FYCO1: variants seen among roughly 807,000 people sequenced by gnomAD.
The protein encoded by FYCO1 is FYVE and coiled-coil domain autophagy adaptor 1.
FYCO1 carries 122 observed loss-of-function variants against 165.1 expected under a neutral mutation model. That is an observed-to-expected ratio of 0.74 (90% CI 0.64 to 0.86). FYCO1 has a LOEUF of 0.86. Among genes scored for constraint, FYCO1 ranks in the 40% least tolerant of loss-of-function variants. The pLI, the probability that FYCO1 is intolerant of heterozygous loss-of-function variation, is 0.00. For synonymous variants in FYCO1, 648 were observed against 742.5 expected (o/e 0.87, Z 2.07); for missense variants, 1,702 against 1,810.3 (o/e 0.94, Z 1.09).
chr3:45,938,626 T>C (rs1434352688), intron 14 of FYCO1, among the ~76,000 whole-genome samples: 1 of 152,192 alleles, frequency 6.6e-6, no homozygotes, highest in African/African-American at 2.4e-5. Flanking sequence ...CCCGAATAGC[T>C]GGGATTACAG....
At chr3:45,946,939 T>C in intron 14 of FYCO1, 1 of 1,614,242 alleles carries the variant, frequency 6.2e-7, no homozygotes, top group Non-Finnish European at 8.5e-7. Context: ...GTCACCAGCT[T>C]GCTCATCTGG....
intron 1 of FYCO1, among the ~76,000 whole-genome samples, chr3:45,987,589 T>C (rs1707370399): frequency 6.6e-6 from 1 of 150,696 alleles, no homozygotes; most frequent in African/African-American, 2.4e-5. Context: ...ACTGCATTCC[T>C]CTTATTTGGC....
chr3:45,944,133 A>G (rs1297148948), intron 14 of FYCO1, among the ~76,000 whole-genome samples: 1 of 152,106 alleles, frequency 6.6e-6, no homozygotes, highest in Non-Finnish European at 1.5e-5. Context: ...TACATGGCAG[A>G]AGGATTCAAG....
chr3:45,967,086 C>G lies in FYCO1; in HGVS notation c.2248G>C (p.Glu750Gln), dbSNP rs1213158770. The G allele has an allele frequency of 6.2e-7, 1 of 1,613,962 alleles. No homozygotes were observed. The highest frequency in any genetic ancestry group is 8.5e-7 in the Non-Finnish European group (1 of 1,180,038). The change falls in exon 8 of 18, where the codon GAG (glutamate) becomes CAG (glutamine). Residue 750 changes from glutamate (E) to glutamine (Q), a missense_variant. By Grantham distance (29) the Glu-to-Gln change is conservative. Coordinates refer to ENST00000296137, the MANE Select transcript of FYCO1 (RefSeq NM_024513.4). ...GGGCCAACTCCCTGTTGGCCTTTCTCTGCTGTGAGGACCTCAATCAGCTGG... is the reference window on the plus strand; with the variant it reads ...GGGCCAACTCCCTGTTGGCCTTTCTGTGCTGTGAGGACCTCAATCAGCTGG... The part of the protein sequence containing the change: ...QTQLIEVLTA[E>Q]KGQQGVGPPT...
intron 1 of FYCO1, among the ~76,000 whole-genome samples, chr3:45,985,575 G>C (rs1168702687): frequency 2.6e-5 from 4 of 152,184 alleles, no homozygotes; most frequent in Non-Finnish European, 2.9e-5. Flanking sequence ...TGCCTGGCAG[G>C]GTCCCCTTCG....
chr3:45,992,339 TG>T (rs1707599177), intron 1 of FYCO1, among the ~76,000 whole-genome samples: 1 of 152,070 alleles, frequency 6.6e-6, no homozygotes, highest in South Asian at 2.1e-4. Context: ...GGTGGGGCCA[TG>T]CTGCAGATGG....
intron 16 of FYCO1, 31 bp from the exon 17 acceptor site, chr3:45,923,796 C>T: frequency 6.8e-7 from 1 of 1,460,324 alleles, no homozygotes; most frequent in Non-Finnish European, 9.6e-7. Flanking sequence ...GCAAAAACAT[C>T]ACAGAGGCTG....
chr3:45,969,842 C>A, intron 6 of FYCO1, 77 bp from the exon 7 acceptor site: 3 of 1,233,980 alleles, frequency 2.4e-6, no homozygotes, highest in South Asian at 2.6e-5. Context: ...GGTCACTAGG[C>A]AACCAGGTGG....
intron 1 of FYCO1, among the ~76,000 whole-genome samples, chr3:45,992,302 T>G (rs1317878737): frequency 2.6e-5 from 4 of 152,060 alleles, no homozygotes; most frequent in Non-Finnish European, 5.9e-5. Context: ...ACAACAGCAG[T>G]GCCAGCGTAG....
Position 45,966,645 on chromosome 3 carries a change from G to T in FYCO1, c.2689C>A (p.Gln897Lys). Reference protein sequence around the residue: ...AQLEHAELQEQLHRANTDTAE... With the variant: ...AQLEHAELQEKLHRANTDTAE... ...GTGTCTGTGTTGGCCCGGTGCAGCTGCTCTTGCAGCTCAGCGTGCTCCAGC... is the reference window on the plus strand; with the variant it reads ...GTGTCTGTGTTGGCCCGGTGCAGCTTCTCTTGCAGCTCAGCGTGCTCCAGC... The change falls in exon 8 of 18, where the codon CAG (glutamine) becomes AAG (lysine). Residue 897 changes from glutamine (Q) to lysine (K), a missense_variant. Coordinates refer to ENST00000296137, the MANE Select transcript of FYCO1 (RefSeq NM_024513.4). 6.2e-7 allele frequency: 1 copy of T among 1,614,144 alleles called. No homozygotes were observed. The highest frequency in any genetic ancestry group is 8.5e-7 in the Non-Finnish European group (1 of 1,180,046).
At chr3:45,992,308 C>T (rs999157052) in intron 1 of FYCO1, among the ~76,000 whole-genome samples, 9 of 152,228 alleles carry the variant, frequency 5.9e-5, no homozygotes, top group East Asian at 3.9e-4. Context: ...GCAGTGCCAG[C>T]GTAGGTGCAG....
chr3:45,941,677 T>C (rs1704235356), intron 14 of FYCO1, among the ~76,000 whole-genome samples: 1 of 152,128 alleles, frequency 6.6e-6, no homozygotes, highest in Non-Finnish European at 1.5e-5. Context: ...CAAATACACA[T>C]ATCCCCATAT....
rs1702969047 is a variant in FYCO1, at chr3:45,918,028, G to A, written c.*3737C>T. 6.6e-6 allele frequency: 1 copy of A among 152,644 alleles called. No individual in the cohort carries two copies. Among genetic ancestry groups the A allele is most frequent in the African/African-American group, 2.4e-5 (1 of 41,452 alleles). The allele number at this position is 152,644 out of a possible 1,614,324, so 9.5% of individuals were successfully genotyped here. On this transcript the variant is annotated 3_prime_UTR_variant, in exon 18 of 18. Coordinates refer to ENST00000296137, the MANE Select transcript of FYCO1 (RefSeq NM_024513.4). ...AAAGTTTTCCACCCCCATTGAGCAGGTGGGGTGCTGGTATTTGATGTGCTT... is the reference window on the plus strand; with the variant it reads ...AAAGTTTTCCACCCCCATTGAGCAGATGGGGTGCTGGTATTTGATGTGCTT...
intron 8 of FYCO1, among the ~76,000 whole-genome samples, chr3:45,965,667 G>A (rs916871825): frequency 2.6e-5 from 4 of 152,238 alleles, no homozygotes; most frequent in African/African-American, 9.6e-5. Flanking sequence ...TCCCTTCCCT[G>A]TATCTGCTGT....
chr3:45,955,014 T>G lies in FYCO1; in HGVS notation c.3944+235A>C, dbSNP rs1298551928. ...TCGCTCAAGCCAAGAAAGACAGGCCTTAATAGTGATGCTGAAACCTGGGGC... is the reference window on the plus strand; with the variant it reads ...TCGCTCAAGCCAAGAAAGACAGGCCGTAATAGTGATGCTGAAACCTGGGGC... On this transcript the variant is annotated intron_variant, in intron 14 of 17. Coordinates refer to ENST00000296137, the MANE Select transcript of FYCO1 (RefSeq NM_024513.4). 3.9e-5 allele frequency among the ~76,000 whole-genome samples: 6 copies of G among 152,136 alleles called. No individual in the cohort carries two copies. In the East Asian group the frequency reaches 1.2e-3, roughly 29 times the overall value.
chr3:45,993,644 A>G lies in FYCO1; in HGVS notation c.-113+2078T>C, dbSNP rs985426511. On this transcript the variant is annotated intron_variant, in intron 1 of 17. Transcript: ENST00000296137. The surrounding 1 kb of genome is among the most constrained non-coding windows in gnomAD (Gnocchi z 4.4). ...GTGAGCAGATGTTGCCCTGACCATA[A>G]TGGACTCATCTGTGCTCACAAGTTG... is the stretch of plus-strand genomic sequence containing the variant. Among the ~76,000 whole-genome samples the G allele has an allele frequency of 6.6e-6, 1 of 152,202 alleles. No homozygotes were observed. The highest frequency in any genetic ancestry group is 2.4e-5 in the African/African-American group (1 of 41,446).
At position 45,979,808 on chromosome 3, in the gene FYCO1, G is replaced by A. The variant is rs1706957899; in HGVS notation, c.185C>T (p.Thr62Ile). 1 of 1,613,916 alleles carries A rather than the reference G, an allele frequency of 6.2e-7. No homozygotes were observed. ...GTAGTCCTTCTTGTTGCCCAGGAGG[G>A]TGGCCTTCTCTTTCTGATCAAACTG... The part of the protein sequence containing the change: ...LLQFDQKEKA[T>I]LLGNKKDYWD... The change falls in exon 4 of 18, where the codon ACC becomes ATC. Residue 62 changes from threonine (T) to isoleucine (I), a missense_variant. Transcript: ENST00000296137.
rs149016664 is a variant in FYCO1 at position 45,920,017 on chromosome 3, G to C, written c.*1748C>G. ...TGCTCCAAGGAAGCCGAATGCAAGA[G>C]GCCCAGCTTTTCTCTGGGCAACCTC... is the stretch of plus-strand genomic sequence containing the variant. On this transcript the variant is annotated 3_prime_UTR_variant, in exon 18 of 18. Transcript: ENST00000296137. 1 of 152,210 alleles carries C rather than the reference G, an allele frequency of 6.6e-6. No homozygotes were observed. Among genetic ancestry groups the C allele is most frequent in the Non-Finnish European group, 1.5e-5 (1 of 68,048 alleles). 9.4% of individuals were successfully genotyped at this position (152,210 alleles called of 1,614,324 possible). A position where few individuals can be genotyped will look rare whatever the true frequency, so the allele number is the denominator to read the frequency against.
At position 45,966,325 on chromosome 3, in the gene FYCO1, G is replaced by C; in HGVS notation, c.3009C>G (p.Leu1003=). 6.2e-7 allele frequency: 1 copy of C among 1,614,224 alleles called. No homozygotes were observed. The stretch of plus-strand genomic sequence containing the variant: ...TGATTTCAGCACTCAGCTGGAACTT[G>C]AGGGTGTTGAGCTCCTGGTGTGCAG... ...QEAAHQELNT[L]KFQLSAEIMD... is the part of the protein sequence containing the mutation. The change falls in exon 8 of 18, where the codon CTC becomes CTG. Residue 1003 remains leucine, a synonymous_variant. Coordinates refer to ENST00000296137, the MANE Select transcript of FYCO1 (RefSeq NM_024513.4).
Sources: allele counts gnomAD v4.1 joint callset (sites outside exome capture counted in the v4.1 genomes callset), GRCh38; gene constraint gnomAD v4.1.1; non-coding constraint Gnocchi (gnomAD v3.1); transcripts MANE v1.5; gene names NCBI Gene and HGNC (gene_info 2026-07-23, HGNC 2026-07-21).